SPAG16: variants seen among roughly 807,000 people sequenced by gnomAD.
The protein encoded by SPAG16 is sperm associated antigen 16.
A neutral mutation model predicts 80.4 loss-of-function variants in SPAG16; 86 were observed. That is an observed-to-expected ratio of 1.07 (90% confidence interval 0.90 to 1.28). The LOEUF (loss-of-function observed/expected upper bound fraction) is 1.28. Ranked by LOEUF, SPAG16 falls within the 50% of genes most tolerant of loss-of-function variation. The probability of loss-of-function intolerance (pLI) is 0.00; values close to 1 mark genes in which losing one functional copy is unlikely to be tolerated. For synonymous variants in SPAG16, 294 were observed against 265.9 expected (o/e 1.11, Z -1.03); for missense variants, 870 against 765.3 (o/e 1.14, Z -1.61).
rs574521689 is a variant in SPAG16, at chr2:213,862,696, C to T, written c.1214+68C>T. 29 of 1,536,152 alleles carry T rather than the reference C, an allele frequency of 1.9e-5. No homozygotes were observed. In the African/African-American group the frequency reaches 2.3e-4, roughly 12 times the overall value. Reference sequence around the variant, plus strand: ...AATGTGCTCCTTTACTCTGTCTGCTCACTCTGCTGTCTTTGATGATGTTTT... The same window carrying T: ...AATGTGCTCCTTTACTCTGTCTGCTTACTCTGCTGTCTTTGATGATGTTTT... On this transcript the variant is annotated intron_variant, in intron 11 of 15. Transcript: ENST00000331683.
At chr2:213,301,864 A>G (rs1384487546) in intron 3 of SPAG16, among the ~76,000 whole-genome samples, 2 of 152,014 alleles carry the variant, frequency 1.3e-5, no homozygotes, top group Non-Finnish European at 2.9e-5. Context: ...TTTGCCTCAG[A>G]TGTTTTCTTG....
rs540204948 is a variant in SPAG16 at position 213,341,129 on chromosome 2, C to A, written c.644+859C>A. 1.1e-4 allele frequency among the ~76,000 whole-genome samples: 17 copies of A among 152,298 alleles called. No individual in the cohort carries two copies. The South Asian group carries it at 3.3e-3, about 30-fold the overall frequency. ...CACACATTACTTTGTAATACAGCTA[C>A]ACTTGGTGTATACTCAGATAGCCTT... On this transcript the variant is annotated intron_variant, in intron 6 of 15. Transcript: ENST00000331683.
intron 10 of SPAG16, among the ~76,000 whole-genome samples, chr2:213,824,281 G>A (rs1031713055): frequency 1.3e-5 from 2 of 152,084 alleles, no homozygotes; most frequent in African/African-American, 4.8e-5. Flanking sequence ...CTATGGTACT[G>A]GTACCAAAAT....
intron 10 of SPAG16, among the ~76,000 whole-genome samples, chr2:213,590,568 A>G (rs1180651743): frequency 6.6e-6 from 1 of 152,204 alleles, no homozygotes; most frequent in Non-Finnish European, 1.5e-5. Context: ...CACTAGCATC[A>G]TCAGAAAGAT....
intron 10 of SPAG16, among the ~76,000 whole-genome samples, chr2:213,676,189 T>C (rs1426805525): frequency 2.0e-5 from 3 of 152,124 alleles, no homozygotes; most frequent in African/African-American, 7.2e-5. Flanking sequence ...TCTCTGTCTG[T>C]TATTGGTGTA....
intron 9 of SPAG16, among the ~76,000 whole-genome samples, chr2:213,407,577 C>A (rs1171532468): frequency 6.8e-6 from 1 of 147,806 alleles, no homozygotes. Flanking sequence ...AGGTCCCTAC[C>A]CTAGGAGAGA....
chr2:213,984,719 C>T (rs1367615958), intron 12 of SPAG16, among the ~76,000 whole-genome samples: 16 of 152,058 alleles, frequency 1.1e-4, no homozygotes. Flanking sequence ...TACCATGATC[C>T]TAAGGCAGAT....
At chr2:213,463,237 T>C (rs2072481255) in intron 9 of SPAG16, among the ~76,000 whole-genome samples, 1 of 152,104 alleles carries the variant, frequency 6.6e-6, no homozygotes, top group Admixed American at 6.6e-5. Flanking sequence ...AAAGAGGAAG[T>C]AGAACACAAA....
chr2:214,385,825 C>T (rs910013624), intron 15 of SPAG16, among the ~76,000 whole-genome samples: 10 of 152,114 alleles, frequency 6.6e-5, no homozygotes, highest in African/African-American at 2.4e-4. Flanking sequence ...GCCTTGGTGA[C>T]AGAGCGAGAC....
intron 11 of SPAG16, among the ~76,000 whole-genome samples, chr2:213,873,286 A>G (rs1279117879): frequency 6.6e-6 from 1 of 151,934 alleles, no homozygotes; most frequent in Non-Finnish European, 1.5e-5. Context: ...TTTTTCTCAT[A>G]TTTGTTGCCA....
At chr2:213,348,188 A>C (rs1447248525) in intron 6 of SPAG16, among the ~76,000 whole-genome samples, 1 of 152,130 alleles carries the variant, frequency 6.6e-6, no homozygotes, top group African/African-American at 2.4e-5. Flanking sequence ...CTGTTTTATC[A>C]GAGACTAGGA....
intron 15 of SPAG16, among the ~76,000 whole-genome samples, chr2:214,173,996 G>T (rs979878072): frequency 2.0e-5 from 3 of 151,966 alleles, no homozygotes; most frequent in Non-Finnish European, 4.4e-5. Context: ...CTCAATAGAT[G>T]CAGAAAAGGC....
intron 9 of SPAG16, among the ~76,000 whole-genome samples, chr2:213,388,021 G>C (rs1012316001): frequency 1.3e-5 from 2 of 152,164 alleles, no homozygotes; most frequent in African/African-American, 2.4e-5. Flanking sequence ...GGAAAGTCTA[G>C]AGTCTGTTGA....
chr2:214,109,283 A>T (rs2053551716), intron 14 of SPAG16, among the ~76,000 whole-genome samples: 2 of 152,208 alleles, frequency 1.3e-5, no homozygotes, highest in African/African-American at 2.4e-5. Context: ...ATGTCTTTAA[A>T]AGGGTTCAGA....
At chr2:213,990,748 T>C (rs1212889517) in intron 12 of SPAG16, among the ~76,000 whole-genome samples, 1 of 152,106 alleles carries the variant, frequency 6.6e-6, no homozygotes, top group African/African-American at 2.4e-5. Context: ...GGAAAATCTA[T>C]GTATAAGTGG....
intron 9 of SPAG16, among the ~76,000 whole-genome samples, chr2:213,427,759 A>G (rs1268356043): frequency 6.6e-6 from 1 of 152,210 alleles, no homozygotes; most frequent in Non-Finnish European, 1.5e-5. Flanking sequence ...TTATAAGGAT[A>G]TTTTCCATCA....
intron 10 of SPAG16, among the ~76,000 whole-genome samples, chr2:213,632,553 T>C (rs2062195903): frequency 2.0e-5 from 3 of 152,166 alleles, no homozygotes; most frequent in Admixed American, 2.0e-4. Flanking sequence ...GCTCTAGATC[T>C]TAGAGGAAAA....
At chr2:214,022,095 C>A (rs529333901) in intron 13 of SPAG16, among the ~76,000 whole-genome samples, 13 of 152,124 alleles carry the variant, frequency 8.5e-5, no homozygotes, top group Admixed American at 5.9e-4. Context: ...CTAATTATTT[C>A]TTTGTAAAGT....
intron 7 of SPAG16, among the ~76,000 whole-genome samples, chr2:213,353,775 C>T (rs1225495446): frequency 6.6e-6 from 1 of 152,106 alleles, no homozygotes; most frequent in Non-Finnish European, 1.5e-5. Flanking sequence ...ACAGGATGCT[C>T]TATGTCCTCA....
Sources: gnomAD v4.1 joint callset for allele counts (sites outside exome capture counted in the v4.1 genomes callset) on GRCh38, gnomAD v4.1.1 for gene constraint, MANE v1.5 for transcripts, NCBI Gene and HGNC (gene_info 2026-07-23, HGNC 2026-07-21) for gene names.